The following LYZL2 variants were observed in gnomAD, a reference collection of about 807,000 sequenced individuals.
The protein encoded by LYZL2 is lysozyme like 2.
Under a neutral mutation model 17.1 loss-of-function variants are expected in LYZL2, and 13 were observed. The ratio of observed to expected loss-of-function variants is 0.76; its 90% CI spans 0.49 to 1.21. The LOEUF (loss-of-function observed/expected upper bound fraction) is 1.21. Among genes scored for constraint, LYZL2 ranks in the 50% most tolerant of loss-of-function variants. The probability of loss-of-function intolerance (pLI) is 0.00; values close to 1 mark genes in which losing one functional copy is unlikely to be tolerated. For synonymous variants in LYZL2, 63 were observed against 74.4 expected (o/e 0.85, Z 0.79); for missense variants, 166 against 189.2 (o/e 0.88, Z 0.72).
At chr10:30,613,818 C>A (rs553015816) in intron 3 of LYZL2, among the ~76,000 whole-genome samples, 1 of 152,162 alleles carries the variant, frequency 6.6e-6, no homozygotes, top group Non-Finnish European at 1.5e-5. Flanking sequence ...TGGCCTCAAG[C>A]AATACTTCCA....
chr10:30,628,549 C>T (rs537467488), intron 1 of LYZL2, among the ~76,000 whole-genome samples: 25 of 152,316 alleles, frequency 1.6e-4, no homozygotes, highest in Admixed American at 8.5e-4. Context: ...CTTCCCCAAA[C>T]ACAACAGCCT....
intron 3 of LYZL2, among the ~76,000 whole-genome samples, chr10:30,616,049 G>A (rs926038446): frequency 6.6e-6 from 1 of 152,116 alleles, no homozygotes; most frequent in Non-Finnish European, 1.5e-5. Context: ...AATAATGTTA[G>A]CATAAAATGT....
At chr10:30,623,602 A>G (rs1414255755) in intron 3 of LYZL2, among the ~76,000 whole-genome samples, 2 of 152,164 alleles carry the variant, frequency 1.3e-5, no homozygotes, top group African/African-American at 4.8e-5. Context: ...TGCGCTTGCA[A>G]GGGATTTAGG....
downstream of LYZL2, chr10:30,611,727 GA>G (rs869163340): frequency 4.1e-4 from 177 of 436,014 alleles, 2 homozygotes; most frequent in Admixed American, 6.9e-4. Context: ...AGAAAGAAAA[GA>G]AAAGAAAGGA....
intron 1 of LYZL2, among the ~76,000 whole-genome samples, chr10:30,627,836 T>C (rs376959138): frequency 6.6e-6 from 1 of 152,172 alleles, no homozygotes. Flanking sequence ...AGAGATGAAA[T>C]ACACGTGGAC....
chr10:30,627,066 G>C, intron 1 of LYZL2, 126 bp from the exon 2 acceptor site: 1 of 1,350,734 alleles, frequency 7.4e-7, no homozygotes, highest in Non-Finnish European at 1.0e-6. Flanking sequence ...GCCACCATCA[G>C]GGAAAACCGG....
At chr10:30,619,962 T>C (rs187734825) in intron 3 of LYZL2, among the ~76,000 whole-genome samples, 189 of 152,326 alleles carry the variant, frequency 1.2e-3, no homozygotes, top group Middle Eastern at 3.4e-3. Context: ...GAAATATTTC[T>C]GCAATTTTCT....
At position 30,621,945 on chromosome 10, in the gene LYZL2, T is replaced by C. The variant is rs1382860041; in HGVS notation, c.298+4160A>G. Among the ~76,000 whole-genome samples, 8 of 152,210 alleles carry C rather than the reference T, an allele frequency of 5.3e-5. No individual in the cohort carries two copies. The East Asian group carries it at 1.4e-3, about 26-fold the overall frequency. ...AAATGCATTGTGAGGTACACAAATA[T>C]AGAAGAAAAATGCATGACAATACAG... is the stretch of plus-strand genomic sequence containing the variant. On this transcript the variant is annotated intron_variant, in intron 3 of 4. Transcript: ENST00000647634.
Position 30,611,897 on chromosome 10 carries a change from G to A in LYZL2, c.*58C>T. 1 of 1,613,018 alleles carries A rather than the reference G, an allele frequency of 6.2e-7. No individual in the cohort carries two copies. The highest frequency in any genetic ancestry group is 2.2e-5 in the East Asian group (1 of 44,828). ...ACGGGACAAGATGACACAGGCATTT[G>A]GACATTCACTGCAAACCCTAGGGCG... On this transcript the variant is annotated 3_prime_UTR_variant, in exon 5 of 5. Coordinates refer to ENST00000647634, the MANE Select transcript of LYZL2 (RefSeq NM_183058.3).
chr10:30,611,714 GAAAGAAAGAAAAGA>G (rs1265298708), downstream of LYZL2: 7 of 436,064 alleles, frequency 1.6e-5, no homozygotes, highest in Non-Finnish European at 2.6e-5. Context: ...AAGAAAGAAA[GAAAGAAAGAAAAGA>G]AAAGAAAGGA....
chr10:30,622,580 GA>G (rs929297993), intron 3 of LYZL2, among the ~76,000 whole-genome samples: 2 of 147,342 alleles, frequency 1.4e-5, no homozygotes, highest in African/African-American at 5.4e-5. Context: ...AAAAGAAAAA[GA>G]AAAAACTAGT....
rs1564406297 is a variant in LYZL2 at position 30,612,134 on chromosome 10, G to A, written c.378-110C>T. The stretch of plus-strand genomic sequence containing the variant: ...AAAATCGCCAGCGGAACCCTGGGTT[G>A]GGTTTCATTTGCTTCTGAGATCAAA... On this transcript the variant is annotated intron_variant, in intron 4 of 4. Coordinates refer to ENST00000647634, the MANE Select transcript of LYZL2 (RefSeq NM_183058.3). 2.2e-6 allele frequency: 3 copies of A among 1,340,284 alleles called. No individual in the cohort carries two copies. The African/African-American group carries it at 4.4e-5, about 20-fold the overall frequency. The allele number at this position is 1,340,284 out of a possible 1,614,324, so 83.0% of individuals were successfully genotyped here. A position where few individuals can be genotyped will look rare whatever the true frequency, so the allele number is the denominator to read the frequency against.
chr10:30,612,905 A>G lies in LYZL2; in HGVS notation c.299-5T>C, dbSNP rs776887036. 3 of 1,613,282 alleles carry G rather than the reference A, an allele frequency of 1.9e-6. No individual in the cohort carries two copies. The highest frequency in any genetic ancestry group is 1.7e-6 in the Non-Finnish European group (2 of 1,179,262). On this transcript the variant is annotated splice_polypyrimidine_tract_variant and splice_region_variant and intron_variant, in intron 3 of 4. Coordinates refer to ENST00000647634, the MANE Select transcript of LYZL2 (RefSeq NM_183058.3). ...TGAGGTCATCAGTGACCAAGGCTGTAAAAAGAGAGGTCATCAGGGTTAGGC... is the reference window on the plus strand; with the variant it reads ...TGAGGTCATCAGTGACCAAGGCTGTGAAAAGAGAGGTCATCAGGGTTAGGC...
intron 3 of LYZL2, among the ~76,000 whole-genome samples, chr10:30,623,397 G>T (rs78078822): frequency 6.6e-6 from 1 of 151,996 alleles, no homozygotes; most frequent in Non-Finnish European, 1.5e-5. Flanking sequence ...TATAGACCTG[G>T]GATCTCCAAC....
chr10:30,612,153 G>A, intron 4 of LYZL2, 129 bp from the exon 5 acceptor site: 1 of 1,120,134 alleles, frequency 8.9e-7, no homozygotes, highest in Non-Finnish European at 1.3e-6. Flanking sequence ...TTGCTTCTGA[G>A]ATCAAAGGAC....
At chr10:30,628,408 A>G (rs1419410402) in intron 1 of LYZL2, among the ~76,000 whole-genome samples, 2 of 152,180 alleles carry the variant, frequency 1.3e-5, no homozygotes, top group Non-Finnish European at 2.9e-5. Flanking sequence ...TGAAAGGAGG[A>G]AAGCACCTGG....
chr10:30,628,090 G>T lies in LYZL2; in HGVS notation c.-25-1150C>A, dbSNP rs188759220. 1.1e-4 allele frequency among the ~76,000 whole-genome samples: 16 copies of T among 152,218 alleles called. No individual in the cohort carries two copies. The East Asian group carries it at 3.1e-3, about 29-fold the overall frequency. ...CAGGAGAATGGCGTGAACCCAGGAG[G>T]CTGAGCTTGCAGTGAGCGGAGATTG... On this transcript the variant is annotated intron_variant, in intron 1 of 4. Coordinates refer to ENST00000647634, the MANE Select transcript of LYZL2 (RefSeq NM_183058.3).
At chr10:30,615,346 A>C (rs1838510937) in intron 3 of LYZL2, among the ~76,000 whole-genome samples, 1 of 152,262 alleles carries the variant, frequency 6.6e-6, no homozygotes, top group South Asian at 2.1e-4. Context: ...GAACTCATAA[A>C]AGCAGAGAGT....
At chr10:30,615,743 A>T (rs1331387462) in intron 3 of LYZL2, among the ~76,000 whole-genome samples, 1 of 152,258 alleles carries the variant, frequency 6.6e-6, no homozygotes, top group Non-Finnish European at 1.5e-5. Flanking sequence ...TTAACATTAA[A>T]GACAATTAAA....
Sources: allele counts gnomAD v4.1 joint callset (sites outside exome capture counted in the v4.1 genomes callset), GRCh38; gene constraint gnomAD v4.1.1; transcripts MANE v1.5; gene names NCBI Gene and HGNC (gene_info 2026-07-23, HGNC 2026-07-21).